TLE2: variants seen among roughly 807,000 people sequenced by gnomAD.
TLE2 encodes transducin-like enhancer protein 2.
TLE2 carries 74 observed loss-of-function variants against 97.2 expected under a neutral mutation model. The ratio of observed to expected loss-of-function variants is 0.76; its 90% CI spans 0.63 to 0.92. The LOEUF is 0.92. Among genes scored for constraint, TLE2 ranks in the 40% least tolerant of loss-of-function variants. TLE2 has a pLI of 0.00. For synonymous variants in TLE2, 499 were observed against 432.1 expected, an observed-to-expected ratio of 1.15 and a Z score of -1.92; for missense variants, 1,038 against 1,008.7, an observed-to-expected ratio of 1.03 and a Z score of -0.39.
intron 1 of TLE2, among the ~76,000 whole-genome samples, chr19:3,035,682 G>A (rs551319334): frequency 2.6e-5 from 4 of 152,270 alleles, no homozygotes; most frequent in African/African-American, 9.6e-5. Context: ...CGCTCGCGAC[G>A]CTCCCACATG....
At chr19:3,036,122 A>G (rs1432298536) in intron 1 of TLE2, among the ~76,000 whole-genome samples, 9 of 152,192 alleles carry the variant, frequency 5.9e-5, no homozygotes, top group Admixed American at 5.2e-4. Flanking sequence ...TGGGGGCTCC[A>G]GGAACGGTCT....
At chr19:3,015,008 A>G (rs1027077871) in intron 9 of TLE2, among the ~76,000 whole-genome samples, 1 of 151,626 alleles carries the variant, frequency 6.6e-6, no homozygotes, top group Non-Finnish European at 1.5e-5. Context: ...GCCAAAGAAA[A>G]TAAGACTCCA....
At chr19:3,001,778 ATTTC>A (rs2089365890) in intron 18 of TLE2, among the ~76,000 whole-genome samples, 1 of 144,612 alleles carries the variant, frequency 6.9e-6, no homozygotes, top group South Asian at 2.2e-4. Flanking sequence ...CCTGGCTTAA[ATTTC>A]TTTTCTTTCT....
At chr19:3,010,405 T>A (rs2089571532) in intron 12 of TLE2, among the ~76,000 whole-genome samples, 1 of 150,822 alleles carries the variant, frequency 6.6e-6, no homozygotes, top group South Asian at 2.1e-4. Context: ...AGGCCCAATG[T>A]CCATTAACAT....
rs369247494 is a variant in TLE2, at chr19:3,019,296, G to A, written c.537C>T (p.Ala179=). Residue 179 remains alanine, a synonymous_variant, in exon 7 of 20, where the codon GCC becomes GCT. Coordinates refer to ENST00000262953, the MANE Select transcript of TLE2 (RefSeq NM_003260.5). The surrounding 1 kb of genome is among the most constrained non-coding windows in gnomAD (Gnocchi z 5.1). ...AVKEDRAGVE[A]EGSRVERAPS... is the part of the protein sequence containing the mutation. ...CTGCCCACTCACCTCTGGACCCCTC[G>A]GCCTCCACGCCCGCACGGTCCTCCT... 2.2e-5 allele frequency: 35 copies of A among 1,576,594 alleles called. No homozygotes were observed. Among genetic ancestry groups the A allele is most frequent in the Middle Eastern group, 1.8e-4 (1 of 5,422 alleles).
chr19:3,045,378 C>T (rs981030345), intron 1 of TLE2, among the ~76,000 whole-genome samples: 2 of 152,158 alleles, frequency 1.3e-5, no homozygotes, highest in Non-Finnish European at 2.9e-5. Flanking sequence ...GCAGTGACTA[C>T]GGGGCAGGGG....
intron 11 of TLE2, among the ~76,000 whole-genome samples, chr19:3,012,666 AC>A (rs1327621715): frequency 6.6e-6 from 1 of 152,138 alleles, no homozygotes; most frequent in African/African-American, 2.4e-5. Context: ...GGGAGGTGTC[AC>A]CCAGAGCTGT....
rs537323913 is a variant in TLE2 at position 3,015,781 on chromosome 19, G to A, written c.571-21C>T. 32 of 1,554,530 alleles carry A rather than the reference G, an allele frequency of 2.1e-5. No homozygotes were observed. The East Asian group carries it at 7.0e-4, about 34-fold the overall frequency. On this transcript the variant is annotated intron_variant, in intron 8 of 19. Coordinates refer to ENST00000262953, the MANE Select transcript of TLE2 (RefSeq NM_003260.5). The stretch of plus-strand genomic sequence containing the variant: ...GCACTCTGCGGAGAGACAAAGGCCG[G>A]GGGGAGAAAGGGTCAGGGCCCTGGG...
Position 3,005,867 on chromosome 19 carries a change from C to T in TLE2, c.1602G>A (p.Ala534=), listed in dbSNP as rs770219759. Residue 534 remains alanine (A), a synonymous_variant, in exon 16 of 20, where the codon GCG becomes GCA. Transcript: ENST00000262953. ...GCTCGGCCTTGATACGGGGGGTGGG[C>T]GCCGCCAGGTCCCAAATGGACAAGG... The part of the protein sequence containing the change: ...ASTLSIWDLA[A]PTPRIKAELT... 2 of 1,613,880 alleles carry T rather than the reference C, an allele frequency of 1.2e-6. No homozygotes were observed. Among genetic ancestry groups the T allele is most frequent in the East Asian group, 2.2e-5 (1 of 44,884 alleles).
chr19:3,021,628 G>A (rs2089845959), intron 5 of TLE2, among the ~76,000 whole-genome samples: 1 of 151,908 alleles, frequency 6.6e-6, no homozygotes, highest in East Asian at 1.9e-4. Context: ...TGTTGCCCAG[G>A]CTGGAGTGCA....
Position 3,028,773 on chromosome 19 carries a change from A to G in TLE2, c.55T>C (p.Phe19Leu). 1 of 1,612,454 alleles carries G rather than the reference A, an allele frequency of 6.2e-7. No individual in the cohort carries two copies. The highest frequency in any genetic ancestry group is 2.2e-5 in the East Asian group (1 of 44,830). ...CGGTCGCAGATCTCCAAGATCGAGA[A>G]CTTGAAGGGCTGGCCGGACTGGAGC... ...TPLQSGQPFK[F>L]SILEICDRIK... Residue 19 changes from phenylalanine to leucine, a missense_variant, in exon 2 of 20, where the codon TTC becomes CTC. By Grantham distance (22) the Phe-to-Leu change is conservative (BLOSUM62 0). Coordinates refer to ENST00000262953, the MANE Select transcript of TLE2 (RefSeq NM_003260.5).
chr19:3,014,987 T>C (rs1349794459), intron 9 of TLE2, among the ~76,000 whole-genome samples: 1 of 105,034 alleles, frequency 9.5e-6, no homozygotes, highest in Non-Finnish European at 1.9e-5. Context: ...AATAAATAAA[T>C]AAAATTCATT....
chr19:3,033,224 G>C (rs1013525311), upstream of TLE2, among the ~76,000 whole-genome samples: 1 of 151,900 alleles, frequency 6.6e-6, no homozygotes, highest in Non-Finnish European at 1.5e-5. Flanking sequence ...CTGGAGTGCA[G>C]TGGTGCCATC....
chr19:3,013,543 A>C, intron 11 of TLE2, 126 bp downstream of exon 11: 4 of 928,542 alleles, frequency 4.3e-6, no homozygotes, highest in Non-Finnish European at 5.7e-6. Context: ...AGCACAGGGA[A>C]AGGGTGGACA....
chr19:3,003,660 A>C (rs753406666), intron 17 of TLE2, among the ~76,000 whole-genome samples: 34 of 142,884 alleles, frequency 2.4e-4, no homozygotes, highest in Non-Finnish European at 3.4e-4. Flanking sequence ...CAAAAAAAAT[A>C]AGACAGACCA....
chr19:3,037,403 C>T (rs1470049667), intron 1 of TLE2, among the ~76,000 whole-genome samples: 1 of 152,238 alleles, frequency 6.6e-6, no homozygotes, highest in Non-Finnish European at 1.5e-5. Context: ...ATTACCCTAA[C>T]CCTAAGTGGA....
chr19:3,022,183 G>A (rs1599235103), intron 5 of TLE2, among the ~76,000 whole-genome samples: 1 of 151,762 alleles, frequency 6.6e-6, no homozygotes, highest in African/African-American at 2.4e-5. Flanking sequence ...CGAGTAGCTG[G>A]GATTACAGGC....
chr19:3,042,042 ACAGGCCCGGG>A (rs1305005988), intron 1 of TLE2, among the ~76,000 whole-genome samples: 1 of 151,444 alleles, frequency 6.6e-6, no homozygotes, highest in Non-Finnish European at 1.5e-5. Flanking sequence ...GTGTTCCCCG[ACAGGCCCGGG>A]CAGGCCCAGC....
At chr19:3,030,185 T>C (rs2090011907), upstream of TLE2, among the ~76,000 whole-genome samples, 1 of 152,218 alleles carries the variant, frequency 6.6e-6, no homozygotes, top group South Asian at 2.1e-4. Context: ...ATTGTGTTCC[T>C]ACTGCCATCA....
Sources: allele counts gnomAD v4.1 joint callset (sites outside exome capture counted in the v4.1 genomes callset), GRCh38; gene constraint gnomAD v4.1.1; non-coding constraint Gnocchi (gnomAD v3.1); transcripts MANE v1.5; gene names NCBI Gene and HGNC (gene_info 2026-07-23, HGNC 2026-07-21).